TLN2: variants seen among roughly 807,000 people sequenced by gnomAD.
The protein encoded by TLN2 is talin 2.
In TLN2, 118 loss-of-function variants were observed where a neutral mutation model predicts 294.7. That is an observed-to-expected ratio of 0.40 (90% CI 0.34 to 0.47). The LOEUF is 0.47. Among genes scored for constraint, TLN2 ranks in the 20% least tolerant of loss-of-function variants. The pLI is 0.84. For missense variants in TLN2, 3,083 were observed against 3,282.2 expected, an observed-to-expected ratio of 0.94 and a Z score of 1.48; for synonymous variants, 1,431 against 1,304.5, an observed-to-expected ratio of 1.10 and a Z score of -2.09.
intron 9 of TLN2, among the ~76,000 whole-genome samples, chr15:62,664,872 A>AAAAAAAAAAAAAAAAG (rs2054383434): frequency 6.7e-6 from 1 of 149,708 alleles, no homozygotes; most frequent in African/African-American, 2.4e-5. Flanking sequence ...AAAAAAAAAA[A>AAAAAAAAAAAAAAAAG]AAAAAAGTGG....
intron 23 of TLN2, among the ~76,000 whole-genome samples, chr15:62,716,748 G>A (rs1595768004): frequency 6.6e-6 from 1 of 152,060 alleles, no homozygotes; most frequent in South Asian, 2.1e-4. Flanking sequence ...AGGACCTTTT[G>A]CTGAAAATAT....
At chr15:62,718,505 C>T (rs1170886735) in intron 24 of TLN2, among the ~76,000 whole-genome samples, 5 of 152,334 alleles carry the variant, frequency 3.3e-5, no homozygotes, top group African/African-American at 1.2e-4. Context: ...GCTCCCACTT[C>T]AGAAATGGCC....
intron 2 of TLN2, among the ~76,000 whole-genome samples, chr15:62,610,633 G>T (rs1280034967): frequency 6.6e-6 from 1 of 152,178 alleles, no homozygotes; most frequent in South Asian, 2.1e-4. Context: ...ACTGTGAAAC[G>T]GAGACGTTTA....
chr15:62,755,470 C>G (rs1251732594), intron 36 of TLN2, 62 bp from the exon 37 acceptor site: 1 of 1,554,618 alleles, frequency 6.4e-7, no homozygotes, highest in Non-Finnish European at 8.7e-7. Flanking sequence ...GGGCTGAGGA[C>G]CGGGGTGGAC....
intron 1 of TLN2, among the ~76,000 whole-genome samples, chr15:62,428,315 T>G (rs2034826709): frequency 1.3e-5 from 2 of 152,200 alleles, no homozygotes; most frequent in Non-Finnish European, 2.9e-5. Context: ...GTCCAGTTAA[T>G]GCACACAGTA....
At chr15:62,815,525 T>A (rs2067043841) in intron 52 of TLN2, among the ~76,000 whole-genome samples, 1 of 152,184 alleles carries the variant, frequency 6.6e-6, no homozygotes, top group Non-Finnish European at 1.5e-5. Flanking sequence ...TCCAGCAATC[T>A]GCAGAAATAA....
intron 12 of TLN2, among the ~76,000 whole-genome samples, chr15:62,691,040 G>GTA (rs2057851946): frequency 3.6e-5 from 5 of 140,568 alleles, no homozygotes; most frequent in East Asian, 2.1e-4. Context: ...GAGAGGGAGA[G>GTA]GGAGAGGGGG....
chr15:62,698,418 C>G (rs2058502595), intron 15 of TLN2, among the ~76,000 whole-genome samples: 1 of 152,202 alleles, frequency 6.6e-6, no homozygotes, highest in Non-Finnish European at 1.5e-5. Flanking sequence ...CCACGTGTTT[C>G]CTGTGCGTGA....
chr15:62,455,645 G>T (rs1212408040), intron 1 of TLN2, among the ~76,000 whole-genome samples: 3 of 152,148 alleles, frequency 2.0e-5, no homozygotes, highest in Non-Finnish European at 4.4e-5. Context: ...CAACCCTTTG[G>T]TGGCCAAATC....
intron 14 of TLN2, 47 bp downstream of exon 14, chr15:62,694,439 G>A (rs1291564030): frequency 6.4e-7 from 1 of 1,554,274 alleles, no homozygotes; most frequent in South Asian, 1.1e-5. Flanking sequence ...CCCTAGATAG[G>A]TAGGTTTCCT....
chr15:62,689,846 C>CTTTTTT, intron 12 of TLN2, among the ~76,000 whole-genome samples: 376 of 15,406 alleles, frequency 0.024, 123 homozygotes, highest in East Asian at 0.05. Context: ...GTATGGGCTT[C>CTTTTTT]TTTTTTTTTT....
At chr15:62,579,652 C>G (rs1004071964) in intron 1 of TLN2, among the ~76,000 whole-genome samples, 1 of 152,032 alleles carries the variant, frequency 6.6e-6, no homozygotes, top group Non-Finnish European at 1.5e-5. Flanking sequence ...GGAACGTGTC[C>G]CCTGAAGAGG....
chr15:62,520,686 G>A (rs756972593), intron 1 of TLN2, among the ~76,000 whole-genome samples: 3 of 152,136 alleles, frequency 2.0e-5, no homozygotes, highest in Non-Finnish European at 2.9e-5. Flanking sequence ...GTTGCTAAGC[G>A]GAAAAAGTAG....
chr15:62,433,125 T>C (rs2140292709), intron 1 of TLN2, among the ~76,000 whole-genome samples: 1 of 152,248 alleles, frequency 6.6e-6, no homozygotes, highest in African/African-American at 2.4e-5. Flanking sequence ...GTGATGTGAA[T>C]TTCAACCTGA....
intron 2 of TLN2, among the ~76,000 whole-genome samples, chr15:62,596,134 A>C (rs2046486562): frequency 6.6e-6 from 1 of 151,968 alleles, no homozygotes; most frequent in South Asian, 2.1e-4. Flanking sequence ...GCGCAGTGGC[A>C]GGCGCCTGTA....
chr15:62,766,692 C>T (rs923270688), intron 41 of TLN2, among the ~76,000 whole-genome samples: 1 of 152,238 alleles, frequency 6.6e-6, no homozygotes, highest in African/African-American at 2.4e-5. Flanking sequence ...TTGGCATTTA[C>T]AGTCATCCGT....
At chr15:62,474,124 A>T in intron 1 of TLN2, among the ~76,000 whole-genome samples, 1 of 152,218 alleles carries the variant, frequency 6.6e-6, no homozygotes, top group East Asian at 1.9e-4. Context: ...CAAACAAAGG[A>T]ATTGTACAGC....
At chr15:62,625,863 G>A (rs984979476) in intron 3 of TLN2, among the ~76,000 whole-genome samples, 3 of 152,148 alleles carry the variant, frequency 2.0e-5, no homozygotes, top group African/African-American at 7.2e-5. Flanking sequence ...AGATGGGAAT[G>A]GATGCTGAAG....
rs188356698 is a variant in TLN2, at chr15:62,450,030, G to A, written c.-238+59345G>A. Reference sequence around the variant, plus strand: ...CTCTCTTCCTCACAAACCTTCAGTAGCTCTCAGTTGCCCCCGTACCTGGAC... The same window carrying A: ...CTCTCTTCCTCACAAACCTTCAGTAACTCTCAGTTGCCCCCGTACCTGGAC... On this transcript the variant is annotated intron_variant, in intron 1 of 58. Transcript: ENST00000636159. Among the ~76,000 whole-genome samples the A allele has an allele frequency of 1.4e-4, 22 of 152,254 alleles. 1 individual carries two copies. The highest frequency in any genetic ancestry group is 5.1e-4 in the African/African-American group (21 of 41,538).
Sources: allele counts gnomAD v4.1 joint callset (sites outside exome capture counted in the v4.1 genomes callset), GRCh38; gene constraint gnomAD v4.1.1; transcripts MANE v1.5; gene names NCBI Gene and HGNC (gene_info 2026-07-23, HGNC 2026-07-21).